GK5: variants seen among roughly 807,000 people sequenced by gnomAD.
GK5 encodes ATP:glycerol 3-phosphotransferase 5.
GK5 carries 39 observed loss-of-function variants against 77.3 expected under a neutral mutation model. That is an observed-to-expected ratio of 0.50 (90% CI 0.39 to 0.66). The LOEUF (loss-of-function observed/expected upper bound fraction) is 0.66, where lower values mean the gene tolerates loss of function less well. Ranked by LOEUF, GK5 falls within the 30% of genes least tolerant of loss-of-function variation. The pLI is 0.00. For synonymous variants in GK5, 211 were observed against 208.0 expected (o/e 1.01, Z -0.13); for missense variants, 487 against 633.8 (o/e 0.77, Z 2.49).
intron 3 of GK5, among the ~76,000 whole-genome samples, chr3:142,205,087 C>T (rs990414308): frequency 1.3e-5 from 2 of 152,158 alleles, no homozygotes; most frequent in African/African-American, 4.8e-5. Flanking sequence ...AATGCTTTTC[C>T]CCTTTACTGC....
At chr3:142,217,281 G>A (rs561219655) in intron 1 of GK5, among the ~76,000 whole-genome samples, 53 of 152,190 alleles carry the variant, frequency 3.5e-4, no homozygotes, top group African/African-American at 1.2e-3. Flanking sequence ...AGGACATCAT[G>A]AAGAATGGCT....
chr3:142,191,546 G>GA (rs1227011480), intron 5 of GK5, among the ~76,000 whole-genome samples: 1 of 151,250 alleles, frequency 6.6e-6, no homozygotes, highest in Non-Finnish European at 1.5e-5. Context: ...TATTAAAAGT[G>GA]AAAAAATTTG....
chr3:142,177,560 A>T lies in GK5; in HGVS notation c.1065T>A (p.Ala355=), dbSNP rs749480568. 1 of 1,611,114 alleles carries T rather than the reference A, an allele frequency of 6.2e-7. No individual in the cohort carries two copies. Among genetic ancestry groups the T allele is most frequent in the Non-Finnish European group, 8.5e-7 (1 of 1,177,774 alleles). ...WAQQLDLFTD[A]AETEKMAKSL... is the part of the protein sequence containing the mutation. ...TTTTGGCCATTTTTTCAGTCTCAGC[A>T]GCATCTGTGAAAAGGTCTGCAAAAA... Residue 355 remains alanine, a synonymous_variant, in exon 12 of 16, where the codon GCT becomes GCA. Transcript: ENST00000392993.
chr3:142,194,624 G>A (rs2063906451), intron 5 of GK5, among the ~76,000 whole-genome samples: 1 of 151,944 alleles, frequency 6.6e-6, no homozygotes, highest in Non-Finnish European at 1.5e-5. Context: ...CCTGGAGGTT[G>A]AGACTACAGT....
At chr3:142,201,568 A>G (rs1327866034) in intron 4 of GK5, among the ~76,000 whole-genome samples, 2 of 152,220 alleles carry the variant, frequency 1.3e-5, no homozygotes, top group Non-Finnish European at 2.9e-5. Context: ...GGAACTGTTC[A>G]GTATCTTGCA....
intron 4 of GK5, among the ~76,000 whole-genome samples, chr3:142,201,961 G>A (rs2064031840): frequency 6.6e-6 from 1 of 152,154 alleles, no homozygotes; most frequent in Non-Finnish European, 1.5e-5. Flanking sequence ...TAAGTAGGGT[G>A]GCAGGGAAGG....
Position 142,163,675 on chromosome 3 carries a change from C to T in GK5, c.*1947G>A, listed in dbSNP as rs2063443809. On this transcript the variant is annotated 3_prime_UTR_variant, in exon 16 of 16. Transcript: ENST00000392993. ...TATTAATATTACAATTCAGTACATTCTGACAAAAAGAATTATTTCCTATGA... is the reference window on the plus strand; with the variant it reads ...TATTAATATTACAATTCAGTACATTTTGACAAAAAGAATTATTTCCTATGA... 1 of 151,934 alleles carries T rather than the reference C, an allele frequency of 6.6e-6. No homozygotes were observed. The highest frequency in any genetic ancestry group is 1.5e-5 in the Non-Finnish European group (1 of 67,972). The allele number at this position is 151,934 out of a possible 1,614,324, so 9.4% of individuals were successfully genotyped here.
chr3:142,220,828 T>C (rs2064335603), intron 1 of GK5, among the ~76,000 whole-genome samples: 1 of 152,012 alleles, frequency 6.6e-6, no homozygotes. Context: ...AAATTAGAGG[T>C]TCCTCTGAAA....
chr3:142,181,602 T>C (rs1386025041), intron 10 of GK5, 37 bp from the exon 11 acceptor site: 1 of 1,354,670 alleles, frequency 7.4e-7, no homozygotes, highest in South Asian at 1.2e-5. Context: ...GTCAAATATA[T>C]GCATAATTCA....
In GK5 at chr3:142,161,004, T is replaced by C. The variant is rs1211079297; in HGVS notation, c.*4618A>G. On this transcript the variant is annotated 3_prime_UTR_variant, in exon 16 of 16. Coordinates refer to ENST00000392993, the MANE Select transcript of GK5 (RefSeq NM_001039547.3). ...TCCCAAAGTGCTGGGATTACAGGCA[T>C]GAGCCACTGTACTTGGCCAAAAATT... 1 of 152,278 alleles carries C rather than the reference T, an allele frequency of 6.6e-6. No homozygotes were observed. Among genetic ancestry groups the C allele is most frequent in the Non-Finnish European group, 1.5e-5 (1 of 68,088 alleles). 9.4% of individuals were successfully genotyped at this position (152,278 alleles called of 1,614,324 possible). A position where few individuals can be genotyped will look rare whatever the true frequency, so the allele number is the denominator to read the frequency against.
rs2064418889 is a variant in GK5 at position 142,225,531 on chromosome 3, C to CG, written c.-77dup. ...ACAAATCCCAATGCTCCAGAGTCCC[C>CG]GGGCGGCCCAACCCGGGCCCCAACC... On this transcript the variant is annotated 5_prime_UTR_variant, in exon 1 of 16. Transcript: ENST00000392993. 1 of 1,520,230 alleles carries CG rather than the reference C, an allele frequency of 6.6e-7. No homozygotes were observed. The allele number at this position is 1,520,230 out of a possible 1,614,324, so 94.2% of individuals were successfully genotyped here. A position where few individuals can be genotyped will look rare whatever the true frequency, so the allele number is the denominator to read the frequency against.
rs567076082 is a variant in GK5 at position 142,164,586 on chromosome 3, C to T, written c.*1036G>A. The T allele has an allele frequency of 1.3e-5, 2 of 152,336 alleles. No homozygotes were observed. The highest frequency in any genetic ancestry group is 4.1e-4 in the South Asian group (2 of 4,822). The allele number at this position is 152,336 out of a possible 1,614,324, so 9.4% of individuals were successfully genotyped here. A position where few individuals can be genotyped will look rare whatever the true frequency, so the allele number is the denominator to read the frequency against. ...TCCTGAGCATAGACACACTCTCCTC[C>T]CTTCTATCAGCTGTCCCCCACACAT... On this transcript the variant is annotated 3_prime_UTR_variant, in exon 16 of 16. Coordinates refer to ENST00000392993, the MANE Select transcript of GK5 (RefSeq NM_001039547.3).
At position 142,159,206 on chromosome 3, in the gene GK5, T is replaced by C. The variant is rs1291966258; in HGVS notation, c.*6416A>G. The C allele has an allele frequency of 6.6e-6, 1 of 152,110 alleles. No homozygotes were observed. The highest frequency in any genetic ancestry group is 1.5e-5 in the Non-Finnish European group (1 of 68,038). The allele number at this position is 152,110 out of a possible 1,614,324, so 9.4% of individuals were successfully genotyped here. A position where few individuals can be genotyped will look rare whatever the true frequency, so the allele number is the denominator to read the frequency against. ...TAAACAGAATGGTTGAAATAAGAAA[T>C]AGTGACAACACCAAATGCTGGCGAG... is the stretch of plus-strand genomic sequence containing the variant. On this transcript the variant is annotated 3_prime_UTR_variant, in exon 16 of 16. Coordinates refer to ENST00000392993, the MANE Select transcript of GK5 (RefSeq NM_001039547.3).
At chr3:142,168,011 CAAACAAAACA>C (rs10701583) in intron 15 of GK5, among the ~76,000 whole-genome samples, 22 of 151,666 alleles carry the variant, frequency 1.5e-4, no homozygotes, top group African/African-American at 2.2e-4. Flanking sequence ...GACTCCATCT[CAAACAAAACA>C]AAACAAAACA....
At chr3:142,191,050 T>C in intron 5 of GK5, among the ~76,000 whole-genome samples, 1 of 105,548 alleles carries the variant, frequency 9.5e-6, no homozygotes, top group African/African-American at 3.7e-5. Flanking sequence ...TATAAATAAT[T>C]TTTTTTTTTT....
At chr3:142,220,116 C>G (rs1560240503) in intron 1 of GK5, among the ~76,000 whole-genome samples, 1 of 152,134 alleles carries the variant, frequency 6.6e-6, no homozygotes, top group Non-Finnish European at 1.5e-5. Context: ...AAGAGAAGAG[C>G]AAATAGGATC....
At position 142,196,744 on chromosome 3, in the gene GK5, C is replaced by T. The variant is rs188129396; in HGVS notation, c.543+2058G>A. On this transcript the variant is annotated intron_variant, in intron 5 of 15. Transcript: ENST00000392993. ...AGTATGGCCTAGCCTATGATCTATC[C>T]TGGAGAAAATTCCATGTACACTTCA... Among the ~76,000 whole-genome samples the T allele has an allele frequency of 1.3e-3, 197 of 152,236 alleles. 1 individual carries two copies. The highest frequency in any genetic ancestry group is 2.5e-3 in the Non-Finnish European group (173 of 68,018).
intron 5 of GK5, among the ~76,000 whole-genome samples, chr3:142,198,310 A>T (rs991127945): frequency 6.6e-6 from 1 of 152,092 alleles, no homozygotes; most frequent in Non-Finnish European, 1.5e-5. Flanking sequence ...AAAGAATTCC[A>T]CTGATATAAA....
chr3:142,189,799 T>C (rs2063823697), intron 5 of GK5, among the ~76,000 whole-genome samples: 1 of 152,226 alleles, frequency 6.6e-6, no homozygotes, highest in Non-Finnish European at 1.5e-5. Flanking sequence ...ATTATTAAGT[T>C]GGATTGAGAT....
Sources: allele counts gnomAD v4.1 joint callset (sites outside exome capture counted in the v4.1 genomes callset), GRCh38; gene constraint gnomAD v4.1.1; transcripts MANE v1.5; gene names NCBI Gene and HGNC (gene_info 2026-07-23, HGNC 2026-07-21).